SORCS2: variants seen among roughly 807,000 people sequenced by gnomAD.
SORCS2 encodes sortilin related VPS10 domain containing receptor 2, also known as VPS10 domain-containing receptor SorCS2.
In SORCS2, 100 loss-of-function variants were observed where a neutral mutation model predicts 141.6. That is an observed-to-expected ratio of 0.71 (90% CI 0.60 to 0.83). The LOEUF (loss-of-function observed/expected upper bound fraction) is 0.83, where lower values mean the gene tolerates loss of function less well. SORCS2 is among the 40% of genes least tolerant of loss of function. The pLI is 0.00. For synonymous variants in SORCS2, 789 were observed against 676.9 expected (o/e 1.17, Z -2.57); for missense variants, 1,646 against 1,560.2 (o/e 1.05, Z -0.93).
intron 1 of SORCS2, among the ~76,000 whole-genome samples, chr4:7,381,132 T>G (rs1722970449): frequency 6.6e-6 from 1 of 151,480 alleles, no homozygotes; most frequent in African/African-American, 2.4e-5. Context: ...AGCTTCATGA[T>G]GTATCCTCCT....
intron 1 of SORCS2, among the ~76,000 whole-genome samples, chr4:7,300,083 G>A (rs1014874671): frequency 5.3e-5 from 8 of 152,262 alleles, no homozygotes; most frequent in African/African-American, 9.6e-5. Flanking sequence ...CGCGCCCTCC[G>A]CCTGCTGAGG....
At chr4:7,235,372 G>T (rs1712196067) in intron 1 of SORCS2, among the ~76,000 whole-genome samples, 1 of 152,242 alleles carries the variant, frequency 6.6e-6, no homozygotes, top group African/African-American at 2.4e-5. Context: ...GGCAGGAACT[G>T]GTAAGACCCT....
intron 10 of SORCS2, among the ~76,000 whole-genome samples, chr4:7,685,652 CAG>C (rs1723826569): frequency 2.0e-5 from 3 of 151,600 alleles, no homozygotes; most frequent in Admixed American, 2.0e-4. Flanking sequence ...GCCTGGGTGA[CAG>C]AGCGAGATTC....
chr4:7,386,447 ACACATGTGC>A (rs1723325920), intron 1 of SORCS2, among the ~76,000 whole-genome samples: 1 of 89,800 alleles, frequency 1.1e-5, no homozygotes, highest in African/African-American at 4.9e-5. Context: ...ACACAGAGAT[ACACATGTGC>A]ACGCACACAC....
chr4:7,224,611 A>G (rs986558040), intron 1 of SORCS2, among the ~76,000 whole-genome samples: 6 of 152,208 alleles, frequency 3.9e-5, no homozygotes, highest in African/African-American at 1.4e-4. Context: ...TACAGTGCAA[A>G]GGAGGGTGGC....
intron 1 of SORCS2, among the ~76,000 whole-genome samples, chr4:7,351,836 C>T (rs1356779932): frequency 6.6e-6 from 1 of 151,996 alleles, no homozygotes; most frequent in East Asian, 1.9e-4. Flanking sequence ...TACCCATTCA[C>T]CCATCTACCC....
intron 2 of SORCS2, chr4:7,430,279 CAGAG>C (rs1337276919): frequency 3.3e-5 from 5 of 149,930 alleles, no homozygotes; most frequent in Admixed American, 6.6e-5. Flanking sequence ...AAAAAAGAGA[CAGAG>C]AGAGAGAACA....
chr4:7,244,976 AG>A (rs1020389026), intron 1 of SORCS2, among the ~76,000 whole-genome samples: 3 of 152,066 alleles, frequency 2.0e-5, no homozygotes, highest in Admixed American at 6.5e-5. Context: ...GGGTGGCTGG[AG>A]GGGGGTGGAG....
intron 1 of SORCS2, among the ~76,000 whole-genome samples, chr4:7,278,166 C>T (rs1337555691): frequency 6.6e-6 from 1 of 152,150 alleles, no homozygotes; most frequent in Non-Finnish European, 1.5e-5. Flanking sequence ...ACCCTGGGCC[C>T]AGCAGGAGCT....
chr4:7,543,759 C>CTCAT (rs1560373173), intron 3 of SORCS2, among the ~76,000 whole-genome samples: 2 of 36,534 alleles, frequency 5.5e-5, no homozygotes. Flanking sequence ...CACCCATCCA[C>CTCAT]CCACCCATCC....
chr4:7,336,873 G>T (rs1489001720), intron 1 of SORCS2, among the ~76,000 whole-genome samples: 1 of 152,176 alleles, frequency 6.6e-6, no homozygotes, highest in Non-Finnish European at 1.5e-5. Context: ...AGAAGGCCCT[G>T]GGTCTGAGTC....
At chr4:7,471,729 G>T (rs1211176492) in intron 2 of SORCS2, among the ~76,000 whole-genome samples, 2 of 152,246 alleles carry the variant, frequency 1.3e-5, no homozygotes, top group African/African-American at 4.8e-5. Flanking sequence ...CCTCGGTGCT[G>T]CTGGCCCTGG....
chr4:7,267,377 G>A (rs1039671689), intron 1 of SORCS2, among the ~76,000 whole-genome samples: 9 of 152,212 alleles, frequency 5.9e-5, no homozygotes, highest in Non-Finnish European at 1.0e-4. Context: ...GTAAGGACTT[G>A]CCGCAGCTCC....
intron 3 of SORCS2, among the ~76,000 whole-genome samples, chr4:7,637,466 C>G (rs1345143312): frequency 1.3e-5 from 2 of 152,252 alleles, no homozygotes; most frequent in Non-Finnish European, 2.9e-5. Context: ...TCTTTGAGCG[C>G]TCACCTGTCT....
intron 1 of SORCS2, among the ~76,000 whole-genome samples, chr4:7,236,486 C>T (rs1357706824): frequency 1.2e-4 from 19 of 152,060 alleles, no homozygotes; most frequent in Admixed American, 1.1e-3. Context: ...GGGTTGATGG[C>T]GTAGGTGAGG....
intron 4 of SORCS2, among the ~76,000 whole-genome samples, chr4:7,647,890 C>A (rs565036436): frequency 6.6e-6 from 1 of 152,240 alleles, no homozygotes; most frequent in African/African-American, 2.4e-5. Context: ...GACTCTGAAG[C>A]GTGAACCGTG....
chr4:7,541,428 T>C (rs569419758), intron 3 of SORCS2, among the ~76,000 whole-genome samples: 3 of 152,216 alleles, frequency 2.0e-5, no homozygotes, highest in Admixed American at 6.5e-5. Flanking sequence ...GACATGCATT[T>C]GCAAATTGAG....
At chr4:7,577,398 G>A (rs562123411) in intron 3 of SORCS2, among the ~76,000 whole-genome samples, 25 of 152,276 alleles carry the variant, frequency 1.6e-4, no homozygotes, top group African/African-American at 4.6e-4. Flanking sequence ...GCATACAGGC[G>A]AAGTCAGCTA....
At chr4:7,651,422 GC>G (rs1207444167) in intron 4 of SORCS2, among the ~76,000 whole-genome samples, 1 of 152,168 alleles carries the variant, frequency 6.6e-6, no homozygotes, top group African/African-American at 2.4e-5. Context: ...GATTGGCCTG[GC>G]CACTCTGGAG....
Sources: gnomAD v4.1 joint callset for allele counts (sites outside exome capture counted in the v4.1 genomes callset) on GRCh38, gnomAD v4.1.1 for gene constraint, MANE v1.5 for transcripts, NCBI Gene and HGNC (gene_info 2026-07-23, HGNC 2026-07-21) for gene names.